Variants in VIRMA observed in about 807,000 individuals in gnomAD.
VIRMA encodes protein virilizer homolog.
In VIRMA, 65 loss-of-function variants were observed where a neutral mutation model predicts 182.4. The observed-to-expected ratio is 0.36, with a 90% CI of 0.29 to 0.44. The LOEUF (loss-of-function observed/expected upper bound fraction) is 0.44. Ranked by LOEUF, VIRMA falls within the 20% of genes least tolerant of loss-of-function variation. The probability of loss-of-function intolerance (pLI) is 1.00; values close to 1 mark genes in which losing one functional copy is unlikely to be tolerated. For synonymous variants in VIRMA, 709 were observed against 743.1 expected, an observed-to-expected ratio of 0.95 and a Z score of 0.75; for missense variants, 1,752 against 2,158.1, an observed-to-expected ratio of 0.81 and a Z score of 3.73.
In VIRMA at chr8:94,526,954, CT is replaced by C; in HGVS notation, c.1289del (p.Gln430ArgfsTer3). On this transcript the variant is annotated frameshift_variant, in exon 8 of 24. Coordinates refer to ENST00000297591, the MANE Select transcript of VIRMA (RefSeq NM_015496.5). LOFTEE classifies it high-confidence loss of function. Reference sequence around the variant, plus strand: ...AAGCTTGCATGGTCCAGTCTACCAACTGGCCAAGGGAGTCTTGTTTTGTGTT... The same window carrying C: ...AAGCTTGCATGGTCCAGTCTACCAACGGCCAAGGGAGTCTTGTTTTGTGTT... ...LKNTKQDSLGQLVDWTMQALN... is the reference protein window; with the variant it reads ...LKNTKQDSLGXLVDWTMQALN... The C allele has an allele frequency of 6.2e-7, 1 of 1,614,246 alleles. No homozygotes were observed. The highest frequency in any genetic ancestry group is 8.5e-7 in the Non-Finnish European group (1 of 1,180,048).
chr8:94,496,271 C>G, intron 18 of VIRMA, 57 bp downstream of exon 18: 2 of 1,450,278 alleles, frequency 1.4e-6, no homozygotes, highest in Non-Finnish European at 1.9e-6. Context: ...AATACTTGTA[C>G]TAGTCAAACT....
At chr8:94,544,193 GAC>G (rs142387181) in intron 1 of VIRMA, among the ~76,000 whole-genome samples, 3,799 of 152,140 alleles carry the variant, frequency 0.025, 159 homozygotes, top group African/African-American at 0.086. Context: ...GACTAATATA[GAC>G]ACAGAGTCCC....
chr8:94,516,581 C>T (rs1461727348), intron 10 of VIRMA, among the ~76,000 whole-genome samples: 1 of 152,116 alleles, frequency 6.6e-6, no homozygotes, highest in Non-Finnish European at 1.5e-5. Context: ...ACCAGAATTA[C>T]AGCTGTACAA....
rs1271683983 is a variant in VIRMA, at chr8:94,488,649, A to C, written c.*57T>G. 2 of 1,544,256 alleles carry C rather than the reference A, an allele frequency of 1.3e-6. No individual in the cohort carries two copies. The highest frequency in any genetic ancestry group is 2.7e-5 in the African/African-American group (2 of 73,894). Reference sequence around the variant, plus strand: ...GTCTAAATTGGTCCTTCAATGTCTTATTTTTATTGTCCTCGTGAAATGTTC... The same window carrying C: ...GTCTAAATTGGTCCTTCAATGTCTTCTTTTTATTGTCCTCGTGAAATGTTC... On this transcript the variant is annotated 3_prime_UTR_variant, in exon 24 of 24. Coordinates refer to ENST00000297591, the MANE Select transcript of VIRMA (RefSeq NM_015496.5).
chr8:94,515,013 A>G, intron 10 of VIRMA, 62 bp from the exon 11 acceptor site: 1 of 851,260 alleles, frequency 1.2e-6, no homozygotes, highest in African/African-American at 1.7e-5. Context: ...AAGAAAGTAA[A>G]TATTTTTTCC....
intron 22 of VIRMA, among the ~76,000 whole-genome samples, chr8:94,491,204 C>T (rs1046706457): frequency 6.6e-6 from 1 of 151,196 alleles, no homozygotes; most frequent in Non-Finnish European, 1.5e-5. Flanking sequence ...GTCCCAAATA[C>T]TTGGGAGGCT....
In VIRMA at chr8:94,510,508, G is replaced by A. The variant is rs1563463362; in HGVS notation, c.3535C>T (p.Arg1179Cys). ...TCQPIQHMLRRICVQLCDLAS... is the reference protein window; with the variant it reads ...TCQPIQHMLRCICVQLCDLAS... ...AGGTCACACAATTGAACACAAATAC[G>A]CCGTAACATATGTTGAATGGGCTGG... The change falls in exon 14 of 24, where the codon CGT (arginine) becomes TGT (cysteine). Residue 1179 changes from arginine to cysteine, a missense_variant. Around this residue, in one of 11 missense-constraint regions of VIRMA, gnomAD observed 777 missense variants for 920.6 expected, o/e 0.84. Transcript: ENST00000297591. 2.5e-6 allele frequency: 4 copies of A among 1,614,048 alleles called. No individual in the cohort carries two copies. The highest frequency in any genetic ancestry group is 3.4e-6 in the Non-Finnish European group (4 of 1,179,998).
At chr8:94,547,007 G>GC (rs1815794150) in intron 1 of VIRMA, 1 of 454,826 alleles carries the variant, frequency 2.2e-6, no homozygotes. Flanking sequence ...ACATCCTTCT[G>GC]CCCCAACTCC....
intron 6 of VIRMA, 107 bp downstream of exon 6, chr8:94,530,856 G>GAGCC (rs1218618459): frequency 1.6e-6 from 2 of 1,232,716 alleles, no homozygotes; most frequent in Admixed American, 5.8e-5. Flanking sequence ...AGACTGCAGT[G>GAGCC]AGCCACTGTA....
chr8:94,525,317 G>A (rs1171444523), intron 8 of VIRMA, among the ~76,000 whole-genome samples: 1 of 152,214 alleles, frequency 6.6e-6, no homozygotes. Context: ...AGCCCCAGCT[G>A]TCCACAGCAA....
At chr8:94,489,298 G>C (rs1421144434) in intron 23 of VIRMA, among the ~76,000 whole-genome samples, 3 of 152,138 alleles carry the variant, frequency 2.0e-5, no homozygotes, top group African/African-American at 7.2e-5. Context: ...AAAAATAAGA[G>C]CACATCACCA....
rs200324413 is a variant in VIRMA, at chr8:94,526,938, T to C, written c.1306A>G (p.Met436Val). The change falls in exon 8 of 24, where the codon ATG becomes GTG. Residue 436 changes from methionine (M) to valine (V), a missense_variant. Met to Val is a conservative substitution (Grantham distance 21). Around this residue, in one of 11 missense-constraint regions of VIRMA, gnomAD observed 401 missense variants for 455.1 expected, o/e 0.88. Transcript: ENST00000297591. ...GCTACTTGTAAATTTAAAGCTTGCA[T>C]GGTCCAGTCTACCAACTGGCCAAGG... is the stretch of plus-strand genomic sequence containing the variant. ...DSLGQLVDWT[M>V]QALNLQVALR... 4.3e-6 allele frequency: 7 copies of C among 1,614,142 alleles called. No individual in the cohort carries two copies. Among genetic ancestry groups the C allele is most frequent in the African/African-American group, 1.3e-5 (1 of 74,952 alleles).
rs1185654090 is a variant in VIRMA, at chr8:94,511,366, G to A, written c.3209C>T (p.Thr1070Ile). 1 of 1,613,828 alleles carries A rather than the reference G, an allele frequency of 6.2e-7. No homozygotes were observed. The highest frequency in any genetic ancestry group is 8.5e-7 in the Non-Finnish European group (1 of 1,179,900). Reference protein sequence around the residue: ...IQNDIIDILLTFTQGVNEKLT... With the variant: ...IQNDIIDILLIFTQGVNEKLT... Reference sequence around the variant, plus strand: ...TTTTTCATTAACTCCTTGTGTAAAAGTCAGTAAAATATCAATGATATCATT... The same window carrying A: ...TTTTTCATTAACTCCTTGTGTAAAAATCAGTAAAATATCAATGATATCATT... Residue 1070 changes from threonine to isoleucine, a missense_variant, in exon 13 of 24, where the codon ACT becomes ATT. Thr to Ile is a moderately conservative substitution (Grantham distance 89). Coordinates refer to ENST00000297591, the MANE Select transcript of VIRMA (RefSeq NM_015496.5).
Position 94,506,564 on chromosome 8 carries a change from G to T in VIRMA, c.4033C>A (p.Leu1345Met), listed in dbSNP as rs756117693. 33 of 1,613,474 alleles carry T rather than the reference G, an allele frequency of 2.0e-5. No homozygotes were observed. The East Asian group carries it at 6.7e-4, about 33-fold the overall frequency. The change falls in exon 16 of 24, where the codon CTG becomes ATG. Residue 1345 changes from leucine to methionine, a missense_variant. Physicochemically the swap from Leu to Met is conservative, Grantham distance 15. Transcript: ENST00000297591. ...AACATCATTGTTCTGACACATGTCA[G>T]TAAACAGTTGTAACTGCTCTCAGAG... ...ANSESSYNCLLTCVRTMMFLA... is the reference protein window; with the variant it reads ...ANSESSYNCLMTCVRTMMFLA...
chr8:94,488,726 C>G lies in VIRMA; in HGVS notation c.5419G>C (p.Val1807Leu). 6.2e-7 allele frequency: 1 copy of G among 1,614,162 alleles called. No individual in the cohort carries two copies. Among genetic ancestry groups the G allele is most frequent in the Non-Finnish European group, 8.5e-7 (1 of 1,180,016 alleles). The change falls in exon 24 of 24, where the codon GTA becomes CTA. Residue 1807 changes from valine (V) to leucine (L), a missense_variant. Val to Leu is a conservative substitution (Grantham distance 32). Around this residue, in one of 11 missense-constraint regions of VIRMA, gnomAD observed 132 missense variants for 173.8 expected, o/e 0.76. Transcript: ENST00000297591. ...VSGGSGRGRH[V>L]RSFTR is the part of the protein sequence containing the mutation. ...GATTTTTATCGTGTAAAGGAGCGTA[C>G]ATGACGACCTCTACCACTGCCTCCA...
At chr8:94,520,676 T>C (rs1814729544) in intron 8 of VIRMA, among the ~76,000 whole-genome samples, 1 of 152,228 alleles carries the variant, frequency 6.6e-6, no homozygotes, top group Non-Finnish European at 1.5e-5. Flanking sequence ...ATAGGTTATA[T>C]GCAAATACTA....
chr8:94,512,779 A>G (rs1814423709), intron 11 of VIRMA, among the ~76,000 whole-genome samples: 2 of 152,310 alleles, frequency 1.3e-5, no homozygotes, highest in African/African-American at 4.8e-5. Context: ...CCTGTCTCAA[A>G]AAAAATAAAA....
chr8:94,490,210 A>T, intron 22 of VIRMA, 128 bp from the exon 23 acceptor site: 1 of 1,013,722 alleles, frequency 9.9e-7, no homozygotes, highest in Non-Finnish European at 1.4e-6. Flanking sequence ...TGACTGTACT[A>T]TATAGTGGCA....
chr8:94,518,222 T>C (rs1053820995), intron 9 of VIRMA, among the ~76,000 whole-genome samples: 2 of 152,246 alleles, frequency 1.3e-5, no homozygotes, highest in Admixed American at 6.5e-5. Flanking sequence ...TTAACAAGTA[T>C]ACTTCATTAG....
Sources: allele counts gnomAD v4.1 joint callset (sites outside exome capture counted in the v4.1 genomes callset), GRCh38; gene constraint gnomAD v4.1.1; regional missense constraint gnomAD v4.1.1; transcripts MANE v1.5; gene names NCBI Gene and HGNC (gene_info 2026-07-23, HGNC 2026-07-21).